RIMS1: variants seen among roughly 807,000 people sequenced by gnomAD.
The protein encoded by RIMS1 is regulating synaptic membrane exocytosis protein 1.
A neutral mutation model predicts 214.1 loss-of-function variants in RIMS1; 83 were observed. The observed-to-expected ratio is 0.39, with a 90% CI of 0.32 to 0.47. RIMS1 has a LOEUF of 0.47. RIMS1 is among the 20% of genes least tolerant of loss of function. The pLI is 0.99. For missense variants in RIMS1, 2,050 were observed against 2,161.8 expected, an observed-to-expected ratio of 0.95 and a Z score of 1.03; for synonymous variants, 793 against 786.8, an observed-to-expected ratio of 1.01 and a Z score of -0.13.
intron 2 of RIMS1, among the ~76,000 whole-genome samples, chr6:72,062,278 T>C (rs1828056072): frequency 6.6e-6 from 1 of 152,194 alleles, no homozygotes; most frequent in South Asian, 2.1e-4. Flanking sequence ...TCAACTTATT[T>C]GGTCTGTATT....
intron 2 of RIMS1, among the ~76,000 whole-genome samples, chr6:71,987,024 A>C (rs539190331): frequency 5.9e-4 from 90 of 152,242 alleles, no homozygotes; most frequent in Non-Finnish European, 1.1e-3. Flanking sequence ...CATAGAGAAT[A>C]TTTATATTTA....
intron 4 of RIMS1, among the ~76,000 whole-genome samples, chr6:72,151,813 A>T (rs2496556): frequency 0.98 from 149,394 of 152,306 alleles, 73,325 homozygotes; most frequent in East Asian, 1. Context: ...CTAGGTCATT[A>T]GTAAGGAAAA....
rs191455744 is a variant in RIMS1, at chr6:72,101,904, T to C, written c.471+1918T>C. Among the ~76,000 whole-genome samples the C allele has an allele frequency of 4.2e-4, 64 of 152,082 alleles. No homozygotes were observed. The East Asian group carries it at 0.012, about 29-fold the overall frequency. On this transcript the variant is annotated intron_variant, in intron 4 of 33. Transcript: ENST00000521978. ...TATTTACTTATAAAGAAAATTGCTGTCATAAAGAATGACTTTGTAATGGGC... is the reference window on the plus strand; with the variant it reads ...TATTTACTTATAAAGAAAATTGCTGCCATAAAGAATGACTTTGTAATGGGC...
intron 29 of RIMS1, among the ~76,000 whole-genome samples, chr6:72,348,860 AAATAAT>A (rs1355515222): frequency 6.6e-6 from 1 of 152,026 alleles, no homozygotes; most frequent in Admixed American, 6.6e-5. Flanking sequence ...CATTTATGAG[AAATAAT>A]AATGATTGAT....
intron 26 of RIMS1, among the ~76,000 whole-genome samples, chr6:72,302,761 T>TA (rs2094756443): frequency 6.6e-6 from 1 of 151,622 alleles, no homozygotes; most frequent in African/African-American, 2.4e-5. Flanking sequence ...GTCCAGGTGT[T>TA]ATTGTGTGTC....
intron 28 of RIMS1, among the ~76,000 whole-genome samples, chr6:72,327,225 C>A (rs1338799984): frequency 6.6e-6 from 1 of 151,698 alleles, no homozygotes; most frequent in Admixed American, 6.6e-5. Flanking sequence ...CACTTTATCA[C>A]CTTTTCCATT....
At chr6:72,099,415 T>C (rs1482328093) in intron 3 of RIMS1, among the ~76,000 whole-genome samples, 1 of 152,174 alleles carries the variant, frequency 6.6e-6, no homozygotes, top group Non-Finnish European at 1.5e-5. Flanking sequence ...TAAAGTTGTT[T>C]TTTTCTATAA....
chr6:72,001,362 A>G (rs1805173190), intron 2 of RIMS1, among the ~76,000 whole-genome samples: 1 of 152,214 alleles, frequency 6.6e-6, no homozygotes, highest in Admixed American at 6.5e-5. Flanking sequence ...CTCAGACATT[A>G]GATTGCAGTT....
At chr6:72,290,550 C>A in intron 24 of RIMS1, 129 bp from the exon 25 acceptor site, 1 of 711,482 alleles carries the variant, frequency 1.4e-6, no homozygotes, top group Non-Finnish European at 2.3e-6. Context: ...TCAATAATTG[C>A]GTGATGGGTT....
intron 6 of RIMS1, among the ~76,000 whole-genome samples, chr6:72,220,105 G>GT (rs1235452035): frequency 1.3e-5 from 2 of 152,024 alleles, no homozygotes; most frequent in Admixed American, 6.6e-5. Flanking sequence ...TCTGAGTATG[G>GT]TTTTTTGATT....
At chr6:72,032,406 T>C (rs1818390231) in intron 2 of RIMS1, among the ~76,000 whole-genome samples, 2 of 152,292 alleles carry the variant, frequency 1.3e-5, no homozygotes, top group South Asian at 2.1e-4. Flanking sequence ...TATACTGATA[T>C]ATATGGGTTT....
intron 23 of RIMS1, among the ~76,000 whole-genome samples, chr6:72,281,732 T>C (rs1429196144): frequency 6.6e-6 from 1 of 151,986 alleles, no homozygotes; most frequent in East Asian, 1.9e-4. Flanking sequence ...TCACTTTACA[T>C]CTTTGCTAAA....
chr6:72,285,674 C>A (rs1289750383), intron 24 of RIMS1, among the ~76,000 whole-genome samples: 2 of 152,070 alleles, frequency 1.3e-5, no homozygotes, highest in Non-Finnish European at 2.9e-5. Flanking sequence ...AGATAGATAG[C>A]CTTTGATGAA....
intron 19 of RIMS1, 53 bp from the exon 20 acceptor site, chr6:72,264,922 T>C (rs375520175): frequency 3.5e-4 from 377 of 1,089,086 alleles, no homozygotes; most frequent in Non-Finnish European, 2.6e-4. Flanking sequence ...TTAATAAAAT[T>C]GGTTTCATAT....
intron 28 of RIMS1, chr6:72,316,510 G>T: frequency 2.8e-6 from 1 of 361,744 alleles, no homozygotes; most frequent in Non-Finnish European, 5.4e-6. Context: ...GGCTGCTGTG[G>T]TTGCAGACAC....
At chr6:72,322,216 G>T (rs1045721535) in intron 28 of RIMS1, among the ~76,000 whole-genome samples, 2 of 152,066 alleles carry the variant, frequency 1.3e-5, no homozygotes, top group Non-Finnish European at 2.9e-5. Flanking sequence ...GGAAGTTTTA[G>T]CCCTGGAGCA....
At chr6:72,141,919 T>C (rs1244610266) in intron 4 of RIMS1, among the ~76,000 whole-genome samples, 1 of 152,044 alleles carries the variant, frequency 6.6e-6, no homozygotes, top group East Asian at 1.9e-4. Context: ...AGGTGGCCTA[T>C]TAGCTTCCTT....
At chr6:72,028,732 G>A (rs1817251348) in intron 2 of RIMS1, among the ~76,000 whole-genome samples, 1 of 152,112 alleles carries the variant, frequency 6.6e-6, no homozygotes, top group African/African-American at 2.4e-5. Flanking sequence ...GAGACTAAAA[G>A]TACTCAGAAG....
At chr6:71,996,866 T>C (rs1394321703) in intron 2 of RIMS1, among the ~76,000 whole-genome samples, 1 of 152,208 alleles carries the variant, frequency 6.6e-6, no homozygotes, top group African/African-American at 2.4e-5. Flanking sequence ...TTGCACTGGA[T>C]TTGATTAATG....
Sources: gnomAD v4.1 joint callset for allele counts (sites outside exome capture counted in the v4.1 genomes callset) on GRCh38, gnomAD v4.1.1 for gene constraint, MANE v1.5 for transcripts, NCBI Gene and HGNC (gene_info 2026-07-23, HGNC 2026-07-21) for gene names.